Variants in PDE8B observed in about 807,000 individuals in gnomAD.
The protein encoded by PDE8B is high affinity cAMP-specific and IBMX-insensitive 3',5'-cyclic phosphodiesterase 8B.
PDE8B carries 26 observed loss-of-function variants against 101.3 expected under a neutral mutation model. The observed-to-expected ratio is 0.26, with a 90% CI of 0.19 to 0.36. The LOEUF (loss-of-function observed/expected upper bound fraction) is 0.36, where lower values mean the gene tolerates loss of function less well. Among genes scored for constraint, PDE8B ranks in the 10% least tolerant of loss-of-function variants. PDE8B has a pLI of 1.00. For missense variants in PDE8B, 810 were observed against 1,163.1 expected (o/e 0.70, Z 4.42); for synonymous variants, 424 against 429.3 (o/e 0.99, Z 0.15).
intron 10 of PDE8B, among the ~76,000 whole-genome samples, chr5:77,364,377 C>T (rs978788824): frequency 3.3e-5 from 5 of 152,206 alleles, no homozygotes; most frequent in African/African-American, 9.6e-5. Context: ...AGATTAGACT[C>T]AAGCGTCTGG....
At chr5:77,324,805 A>C (rs745407868) in intron 2 of PDE8B, among the ~76,000 whole-genome samples, 3 of 152,260 alleles carry the variant, frequency 2.0e-5, no homozygotes, top group Non-Finnish European at 4.4e-5. Context: ...CTGGAATCAA[A>C]TATATGTATT....
At chr5:77,359,850 C>T (rs1248747104) in intron 10 of PDE8B, among the ~76,000 whole-genome samples, 1 of 152,120 alleles carries the variant, frequency 6.6e-6, no homozygotes, top group Non-Finnish European at 1.5e-5. Context: ...ATAATCCCAG[C>T]ACTTAGGGAG....
chr5:77,189,060 G>T, the PDE8B span, among the ~76,000 whole-genome samples: 1 of 152,124 alleles, frequency 6.6e-6, no homozygotes, highest in African/African-American at 2.4e-5. Flanking sequence ...TGCCCAGTCT[G>T]CAGGGTTTTT....
At chr5:77,138,350 C>T in the PDE8B span, among the ~76,000 whole-genome samples, 3 of 152,098 alleles carry the variant, frequency 2.0e-5, no homozygotes, top group African/African-American at 4.8e-5. Context: ...GACACTTTTC[C>T]CTCTTGTCCC....
At chr5:77,180,019 C>A in the PDE8B span, among the ~76,000 whole-genome samples, 1 of 152,200 alleles carries the variant, frequency 6.6e-6, no homozygotes, top group Non-Finnish European at 1.5e-5. Context: ...CAAATCTGAT[C>A]TTTCAGCGTT....
chr5:77,378,050 C>CACACACACACACACACACACACACA (rs1297659516), intron 10 of PDE8B, among the ~76,000 whole-genome samples: 1 of 110,188 alleles, frequency 9.1e-6, no homozygotes, highest in African/African-American at 5.2e-5. Context: ...ACACACACAC[C>CACACACACACACACACACACACACA]CCCTGTTGGT....
chr5:77,391,872 TAA>T (rs1232756924), intron 10 of PDE8B, among the ~76,000 whole-genome samples: 2 of 152,344 alleles, frequency 1.3e-5, no homozygotes, highest in African/African-American at 4.8e-5. Context: ...GCTAAGCACT[TAA>T]AAATCACTTG....
chr5:77,135,570 G>C, the PDE8B span, among the ~76,000 whole-genome samples: 3 of 148,712 alleles, frequency 2.0e-5, no homozygotes, highest in Admixed American at 1.4e-4. Flanking sequence ...TCCGCCTCCA[G>C]AGTTCAAGCA....
intron 10 of PDE8B, among the ~76,000 whole-genome samples, chr5:77,363,051 C>T (rs543157834): frequency 6.6e-6 from 1 of 152,286 alleles, no homozygotes; most frequent in East Asian, 1.9e-4. Context: ...CATGGAAGAG[C>T]CTATGTTTTA....
chr5:77,392,380 T>C (rs939885322), intron 10 of PDE8B, among the ~76,000 whole-genome samples: 44 of 152,174 alleles, frequency 2.9e-4, no homozygotes, highest in African/African-American at 1.1e-3. Context: ...ACAGAAGCCC[T>C]GTCTGTGTCT....
the PDE8B span, among the ~76,000 whole-genome samples, chr5:77,117,585 T>A: frequency 6.6e-6 from 1 of 152,130 alleles, no homozygotes; most frequent in South Asian, 2.1e-4. Flanking sequence ...GAATCTTTTG[T>A]GTGTTGGCAG....
intron 1 of PDE8B, among the ~76,000 whole-genome samples, chr5:77,253,258 T>C (rs1580595580): frequency 6.6e-6 from 1 of 152,288 alleles, no homozygotes. Context: ...TTTTAAAGGG[T>C]AAAGGATCGT....
At chr5:77,200,547 G>A in the PDE8B span, among the ~76,000 whole-genome samples, 1 of 146,584 alleles carries the variant, frequency 6.8e-6, no homozygotes, top group East Asian at 1.9e-4. Context: ...AACATCACAG[G>A]TGAAGGGCTT....
the PDE8B span, among the ~76,000 whole-genome samples, chr5:77,126,036 T>C: frequency 2.6e-5 from 4 of 152,100 alleles, no homozygotes; most frequent in South Asian, 2.1e-4. Context: ...CCTGTAATCC[T>C]AGCACTTTGG....
intron 1 of PDE8B, among the ~76,000 whole-genome samples, chr5:77,274,764 TTAAC>T (rs144192226): frequency 0.017 from 2,528 of 152,330 alleles, 63 homozygotes; most frequent in African/African-American, 0.058. Flanking sequence ...AATTTACAAC[TTAAC>T]TATTTTATTA....
At chr5:77,108,791 A>G in the PDE8B span, among the ~76,000 whole-genome samples, 3 of 152,218 alleles carry the variant, frequency 2.0e-5, no homozygotes, top group Non-Finnish European at 4.4e-5. Context: ...AGTAAAAAAT[A>G]TTTATCTGCA....
At chr5:77,342,450 G>A (rs758776040) in intron 6 of PDE8B, among the ~76,000 whole-genome samples, 7 of 151,592 alleles carry the variant, frequency 4.6e-5, no homozygotes, top group Admixed American at 6.6e-5. Flanking sequence ...CCCTCTAAAC[G>A]GATCAAAATA....
intron 1 of PDE8B, among the ~76,000 whole-genome samples, chr5:77,306,690 A>C (rs576892869): frequency 2.8e-4 from 43 of 152,302 alleles, no homozygotes; most frequent in Non-Finnish European, 5.9e-4. Context: ...AAAATTCCTG[A>C]AGCTGAAACT....
chr5:77,404,651 C>T, intron 11 of PDE8B, 69 bp from the exon 12 acceptor site: 3 of 918,948 alleles, frequency 3.3e-6, no homozygotes, highest in Non-Finnish European at 5.4e-6. Flanking sequence ...AAAGAAAAAA[C>T]ATGTTTGAAT....
Sources: allele counts gnomAD v4.1 joint callset (sites outside exome capture counted in the v4.1 genomes callset), GRCh38; gene constraint gnomAD v4.1.1; transcripts MANE v1.5; gene names NCBI Gene and HGNC (gene_info 2026-07-23, HGNC 2026-07-21).